Variants in BBS9 observed in about 807,000 individuals in gnomAD.
The protein encoded by BBS9 is Bardet-Biedl syndrome 9, also known as protein PTHB1.
A neutral mutation model predicts 117.7 loss-of-function variants in BBS9; 89 were observed. The ratio of observed to expected loss-of-function variants is 0.76; its 90% CI spans 0.64 to 0.90. BBS9 has a LOEUF of 0.90. Ranked by LOEUF, BBS9 falls within the 40% of genes least tolerant of loss-of-function variation. BBS9 has a pLI of 0.00. For missense variants in BBS9, 982 were observed against 1,042.2 expected (o/e 0.94, Z 0.80); for synonymous variants, 379 against 370.9 (o/e 1.02, Z -0.25).
intron 5 of BBS9, among the ~76,000 whole-genome samples, chr7:33,204,057 C>T (rs1431323582): frequency 6.7e-6 from 1 of 148,376 alleles, no homozygotes; most frequent in African/African-American, 2.5e-5. Flanking sequence ...TCCACATGTA[C>T]GTTTGTGTCA....
chr7:33,570,112 G>A (rs924927608), intron 21 of BBS9, among the ~76,000 whole-genome samples: 11 of 152,142 alleles, frequency 7.2e-5, no homozygotes, highest in South Asian at 4.1e-4. Flanking sequence ...AGGAAGTTTT[G>A]CATTAAATAT....
intron 19 of BBS9, among the ~76,000 whole-genome samples, chr7:33,462,597 A>G (rs1839625707): frequency 6.6e-6 from 1 of 152,144 alleles, no homozygotes; most frequent in Non-Finnish European, 1.5e-5. Context: ...TATGTAGTTC[A>G]CATTATTTCT....
intron 5 of BBS9, among the ~76,000 whole-genome samples, chr7:33,198,774 C>A (rs750227913): frequency 1.5e-4 from 23 of 152,000 alleles, no homozygotes; most frequent in African/African-American, 5.5e-4. Flanking sequence ...AGCTTTTCCA[C>A]AATTTTGGAA....
intron 19 of BBS9, among the ~76,000 whole-genome samples, chr7:33,494,080 A>G (rs1844392634): frequency 1.3e-5 from 2 of 152,216 alleles, no homozygotes; most frequent in South Asian, 4.1e-4. Context: ...GATGAGAAGG[A>G]TAACTGTTTT....
At chr7:33,611,462 TAATA>T (rs1182298710) in intron 21 of BBS9, among the ~76,000 whole-genome samples, 2 of 139,382 alleles carry the variant, frequency 1.4e-5, no homozygotes, top group Non-Finnish European at 3.0e-5. Context: ...TTTAATATAA[TAATA>T]ATATAATATA....
At chr7:33,460,290 A>G (rs1483290961) in intron 19 of BBS9, among the ~76,000 whole-genome samples, 1 of 152,106 alleles carries the variant, frequency 6.6e-6, no homozygotes, top group Non-Finnish European at 1.5e-5. Flanking sequence ...AATTCTCCTA[A>G]GATAGTTTCT....
chr7:33,497,458 C>G (rs1049405577), intron 19 of BBS9, among the ~76,000 whole-genome samples: 3 of 152,168 alleles, frequency 2.0e-5, no homozygotes, highest in Non-Finnish European at 2.9e-5. Flanking sequence ...TATTTTTACA[C>G]TGGAATTTTC....
chr7:33,382,952 A>G (rs1022245710), intron 17 of BBS9, among the ~76,000 whole-genome samples: 5 of 152,290 alleles, frequency 3.3e-5, no homozygotes, highest in East Asian at 3.9e-4. Flanking sequence ...GGCTATTGTA[A>G]TCACAGTTCT....
chr7:33,526,020 C>T (rs1482973904), intron 20 of BBS9, among the ~76,000 whole-genome samples: 1 of 151,504 alleles, frequency 6.6e-6, no homozygotes, highest in Non-Finnish European at 1.5e-5. Context: ...CTTAGTGTGG[C>T]TGGATATGAA....
intron 5 of BBS9, among the ~76,000 whole-genome samples, chr7:33,216,611 G>A (rs182191220): frequency 7.9e-4 from 120 of 152,330 alleles, no homozygotes; most frequent in African/African-American, 2.7e-3. Context: ...ATCAGTTATA[G>A]TATTAGCAAA....
At chr7:33,330,989 T>G (rs1036185174) in intron 9 of BBS9, among the ~76,000 whole-genome samples, 3 of 152,178 alleles carry the variant, frequency 2.0e-5, no homozygotes, top group African/African-American at 7.2e-5. Flanking sequence ...AACAATATTG[T>G]TAAAATTTTC....
intron 21 of BBS9, among the ~76,000 whole-genome samples, chr7:33,585,894 C>T (rs1393797412): frequency 6.6e-6 from 1 of 152,022 alleles, no homozygotes; most frequent in Non-Finnish European, 1.5e-5. Flanking sequence ...ACTCATGACA[C>T]AGCAGACCTG....
At chr7:33,502,053 G>A (rs991229236) in intron 19 of BBS9, among the ~76,000 whole-genome samples, 1 of 152,090 alleles carries the variant, frequency 6.6e-6, no homozygotes, top group Non-Finnish European at 1.5e-5. Context: ...GGGATTACAG[G>A]CACGTGCCAC....
intron 19 of BBS9, among the ~76,000 whole-genome samples, chr7:33,429,473 G>A (rs1431499263): frequency 6.6e-6 from 1 of 152,100 alleles, no homozygotes; most frequent in Non-Finnish European, 1.5e-5. Flanking sequence ...ATTTGTGTTT[G>A]AGTATGGCTT....
intron 19 of BBS9, among the ~76,000 whole-genome samples, chr7:33,496,110 T>C (rs955562392): frequency 2.0e-5 from 3 of 152,164 alleles, no homozygotes; most frequent in Admixed American, 6.5e-5. Flanking sequence ...TTAGGAGGTC[T>C]CTTTTTATGA....
chr7:33,210,297 A>G (rs1414271984), intron 5 of BBS9, among the ~76,000 whole-genome samples: 2 of 152,192 alleles, frequency 1.3e-5, no homozygotes, highest in Non-Finnish European at 2.9e-5. Context: ...TTAAAGAATC[A>G]TTTTGTGACC....
At chr7:33,423,388 C>T (rs1050081200) in intron 19 of BBS9, among the ~76,000 whole-genome samples, 8 of 151,360 alleles carry the variant, frequency 5.3e-5, no homozygotes, top group Non-Finnish European at 1.2e-4. Context: ...AAAATGTATA[C>T]CTTGGGGGTG....
At chr7:33,489,634 AT>A (rs1030643889) in intron 19 of BBS9, among the ~76,000 whole-genome samples, 12 of 152,018 alleles carry the variant, frequency 7.9e-5, no homozygotes, top group African/African-American at 2.9e-4. Flanking sequence ...TCTTAATATT[AT>A]TTTTGATCAT....
At chr7:33,155,905 G>A (rs1175481510) in intron 4 of BBS9, among the ~76,000 whole-genome samples, 1 of 152,028 alleles carries the variant, frequency 6.6e-6, no homozygotes, top group Non-Finnish European at 1.5e-5. Context: ...TACTATTTCT[G>A]TGTATATGTA....
Sources: allele counts gnomAD v4.1 joint callset (sites outside exome capture counted in the v4.1 genomes callset), GRCh38; gene constraint gnomAD v4.1.1; transcripts MANE v1.5; gene names NCBI Gene and HGNC (gene_info 2026-07-23, HGNC 2026-07-21).